PLA2G4C: variants seen among roughly 807,000 people sequenced by gnomAD.
The protein encoded by PLA2G4C is cytosolic phospholipase A2 gamma.
A neutral mutation model predicts 73.8 loss-of-function variants in PLA2G4C; 64 were observed. The observed-to-expected ratio is 0.87, with a 90% CI of 0.71 to 1.07. PLA2G4C has a LOEUF of 1.07. Ranked by LOEUF, PLA2G4C falls within the 50% of genes least tolerant of loss-of-function variation. The pLI is 0.00. For missense variants in PLA2G4C, 622 were observed against 665.4 expected (o/e 0.93, Z 0.72); for synonymous variants, 254 against 252.1 (o/e 1.01, Z -0.07).
At chr19:48,067,945 C>T (rs1968505215) in intron 12 of PLA2G4C, 59 bp from the exon 13 acceptor site, 2 of 1,178,766 alleles carry the variant, frequency 1.7e-6, no homozygotes, top group South Asian at 1.2e-5. Context: ...GTTTCTGCCC[C>T]CACCAAAGTC....
intron 13 of PLA2G4C, 190 bp from the exon 14 acceptor site, chr19:48,062,342 GC>G (rs2122484256): frequency 2.0e-6 from 1 of 497,456 alleles, no homozygotes; most frequent in East Asian, 3.7e-5. Flanking sequence ...TGGGTGCGGT[GC>G]CTCACACCTG....
In PLA2G4C at chr19:48,099,685, T is replaced by C. The variant is rs374005017; in HGVS notation, c.433A>G (p.Lys145Glu). The part of the protein sequence containing the change: ...TDFWAYMVIS[K>E]QTRELPESHL... ...GAATGACTTACTTCTCTGGTTTGCT[T>C]AGAGATAACCATGTAGGCCCAGAAG... Residue 145 changes from lysine to glutamate, a missense_variant, in exon 5 of 17, where the codon AAG becomes GAG. Coordinates refer to ENST00000599921, the MANE Select transcript of PLA2G4C (RefSeq NM_003706.3). 3 of 1,613,482 alleles carry C rather than the reference T, an allele frequency of 1.9e-6. No homozygotes were observed. Among genetic ancestry groups the C allele is most frequent in the African/African-American group, 2.7e-5 (2 of 74,904 alleles).
rs965469930 is a variant in PLA2G4C at position 48,072,273 on chromosome 19, C to T, written c.1006+2494G>A. The T allele has an allele frequency of 6.6e-6, 1 of 152,256 alleles. No homozygotes were observed. The highest frequency in any genetic ancestry group is 1.5e-5 in the Non-Finnish European group (1 of 68,104). The allele number at this position is 152,256 out of a possible 1,614,324, so 9.4% of individuals were successfully genotyped here. On this transcript the variant is annotated intron_variant, in intron 12 of 16. Coordinates refer to ENST00000599921, the MANE Select transcript of PLA2G4C (RefSeq NM_003706.3). This position sits in a 1 kb window ranked among gnomAD's most constrained non-coding sequence, Gnocchi z 4.4. Reference sequence around the variant, plus strand: ...CATAGCTCACTGCAGCCTCCAACTCCTGGGCTTAAGGAATCCTCCCACCTC... The same window carrying T: ...CATAGCTCACTGCAGCCTCCAACTCTTGGGCTTAAGGAATCCTCCCACCTC...
chr19:48,092,437 A>G (rs1238284442), intron 7 of PLA2G4C, among the ~76,000 whole-genome samples: 1 of 152,242 alleles, frequency 6.6e-6, no homozygotes, highest in East Asian at 1.9e-4. Flanking sequence ...GCAGGGTCTC[A>G]AAGAGATATT....
intron 2 of PLA2G4C, among the ~76,000 whole-genome samples, chr19:48,106,271 A>T (rs1052234842): frequency 2.0e-5 from 3 of 151,606 alleles, no homozygotes; most frequent in Admixed American, 2.0e-4. Context: ...ATTTTCTTTT[A>T]TTGTAGAGAT....
At chr19:48,050,120 C>T (rs1322080319) in intron 16 of PLA2G4C, among the ~76,000 whole-genome samples, 1 of 152,130 alleles carries the variant, frequency 6.6e-6, no homozygotes, top group African/African-American at 2.4e-5. Context: ...TGGGGCTTCA[C>T]CATGTTGGCC....
chr19:48,083,961 CAA>C (rs2030812138), intron 10 of PLA2G4C, among the ~76,000 whole-genome samples: 1 of 151,242 alleles, frequency 6.6e-6, no homozygotes, highest in African/African-American at 2.4e-5. Context: ...TGGCTCTCAG[CAA>C]AATGGAGGGG....
intron 14 of PLA2G4C, among the ~76,000 whole-genome samples, chr19:48,059,855 G>A (rs1026747569): frequency 2.9e-4 from 41 of 143,728 alleles, no homozygotes; most frequent in African/African-American, 1.0e-3. Flanking sequence ...TGCAACCTCC[G>A]CCTCCTGGGT....
At chr19:48,057,173 T>C (rs1967974153) in intron 14 of PLA2G4C, among the ~76,000 whole-genome samples, 2 of 152,168 alleles carry the variant, frequency 1.3e-5, no homozygotes, top group Admixed American at 1.3e-4. Context: ...TGCACACAAA[T>C]GCAGAAGTTG....
In PLA2G4C at chr19:48,110,467, T is replaced by C; in HGVS notation, c.-33+20A>G. 6.8e-7 allele frequency: 1 copy of C among 1,464,718 alleles called. No homozygotes were observed. The allele number at this position is 1,464,718 out of a possible 1,614,324, so 90.7% of individuals were successfully genotyped here. On this transcript the variant is annotated intron_variant, in intron 1 of 16. Transcript: ENST00000599921. ...CCGCCCCAGCGGGATGAAACAGCCC[T>C]CCCTGCCCCCACGGCTTGCCTGAGC...
rs199624418 is a variant in PLA2G4C, at chr19:48,105,395, C to T, written c.58G>A (p.Val20Met). ...AGCACATGAAGTCTTCGTCTCTCCA[C>T]GGCCGCCTTTTCTTCTTTCTGGAGC... ...PGLQKEEKAA[V>M]ERRRLHVLKA... The change falls in exon 3 of 17, where the codon GTG becomes ATG. Residue 20 changes from valine (V) to methionine (M), a missense_variant. Transcript: ENST00000599921. 4.4e-5 allele frequency: 71 copies of T among 1,613,890 alleles called. No individual in the cohort carries two copies. The highest frequency in any genetic ancestry group is 5.2e-5 in the Non-Finnish European group (61 of 1,179,970).
intron 13 of PLA2G4C, among the ~76,000 whole-genome samples, chr19:48,066,990 T>TACAC (rs1419366632): frequency 3.5e-5 from 5 of 142,418 alleles, no homozygotes; most frequent in African/African-American, 1.4e-4. Flanking sequence ...CACACACACA[T>TACAC]ACACATACAT....
chr19:48,081,779 A>G (rs1019275466), intron 10 of PLA2G4C, among the ~76,000 whole-genome samples: 10 of 135,342 alleles, frequency 7.4e-5, no homozygotes, highest in African/African-American at 2.8e-4. Context: ...GAACAAAAAC[A>G]AAAAAACACT....
chr19:48,090,476 A>C, intron 7 of PLA2G4C, 59 bp from the exon 8 acceptor site: 1 of 1,253,970 alleles, frequency 8.0e-7, no homozygotes, highest in African/African-American at 1.5e-5. Context: ...GTCATGTTTG[A>C]TATTCAAAGC....
intron 16 of PLA2G4C, among the ~76,000 whole-genome samples, chr19:48,049,287 C>A (rs1224246103): frequency 6.6e-6 from 1 of 152,204 alleles, no homozygotes; most frequent in East Asian, 1.9e-4. Context: ...GCACAGAATT[C>A]TGTTCCCCAA....
At chr19:48,060,659 GGACTCCCAA>G (rs1968135495) in intron 14 of PLA2G4C, among the ~76,000 whole-genome samples, 1 of 152,066 alleles carries the variant, frequency 6.6e-6, no homozygotes, top group Admixed American at 6.6e-5. Context: ...TGGCAGAAAA[GGACTCCCAA>G]GACCTTGATA....
At chr19:48,064,027 T>C (rs1968308342) in intron 13 of PLA2G4C, 1 of 152,054 alleles carries the variant, frequency 6.6e-6, no homozygotes, top group African/African-American at 2.4e-5. Context: ...AGAGGAGAAA[T>C]GCAACCACCT....
chr19:48,103,260 G>T (rs1206497391), intron 4 of PLA2G4C, among the ~76,000 whole-genome samples: 3 of 152,088 alleles, frequency 2.0e-5, no homozygotes, highest in African/African-American at 4.8e-5. Flanking sequence ...CTGGAGTTCT[G>T]CAATGTGCAG....
intron 12 of PLA2G4C, among the ~76,000 whole-genome samples, chr19:48,073,976 T>G (rs186091116): frequency 1.1e-4 from 16 of 151,728 alleles, no homozygotes; most frequent in Admixed American, 7.2e-4. Context: ...TTAATTTAAT[T>G]TAATTTAATT....
Sources: gnomAD v4.1 joint callset for allele counts (sites outside exome capture counted in the v4.1 genomes callset) on GRCh38, gnomAD v4.1.1 for gene constraint, Gnocchi (gnomAD v3.1) non-coding constraint, MANE v1.5 for transcripts, NCBI Gene and HGNC (gene_info 2026-07-23, HGNC 2026-07-21) for gene names.